The following PEX14 variants were observed in gnomAD, a reference collection of about 807,000 sequenced individuals.
The protein encoded by PEX14 is peroxisomal membrane protein PEX14.
Under a neutral mutation model 49.5 loss-of-function variants are expected in PEX14, and 15 were observed. That is an observed-to-expected ratio of 0.30 (90% CI 0.20 to 0.47). PEX14 has a LOEUF of 0.47. Ranked by LOEUF, PEX14 falls within the 20% of genes least tolerant of loss-of-function variation. The pLI, the probability that PEX14 is intolerant of heterozygous loss-of-function variation, is 1.00. For synonymous variants in PEX14, 210 were observed against 212.7 expected (o/e 0.99, Z 0.11); for missense variants, 398 against 494.8 (o/e 0.80, Z 1.86).
intron 3 of PEX14, among the ~76,000 whole-genome samples, chr1:10,594,824 G>A (rs968862485): frequency 8.3e-5 from 3 of 36,206 alleles, no homozygotes; most frequent in Non-Finnish European, 2.7e-4. Flanking sequence ...CATCACAATC[G>A]CAGCCTGTAC....
intron 2 of PEX14, among the ~76,000 whole-genome samples, chr1:10,520,525 A>G (rs1052986440): frequency 2.0e-5 from 3 of 152,078 alleles, no homozygotes; most frequent in African/African-American, 4.8e-5. Flanking sequence ...GAATATTAAC[A>G]TAAAGATAAA....
intron 2 of PEX14, among the ~76,000 whole-genome samples, chr1:10,525,711 C>T (rs903230576): frequency 4.6e-5 from 7 of 151,808 alleles, no homozygotes; most frequent in Admixed American, 1.3e-4. Flanking sequence ...CTGCAACCTC[C>T]GCCTCCTGGG....
chr1:10,595,267 T>G (rs558337381), intron 3 of PEX14, among the ~76,000 whole-genome samples: 4 of 152,324 alleles, frequency 2.6e-5, no homozygotes, highest in African/African-American at 9.6e-5. Flanking sequence ...TGTGAAAAGA[T>G]GAAGCGGCCT....
At chr1:10,553,416 G>C (rs1639391455) in intron 3 of PEX14, among the ~76,000 whole-genome samples, 1 of 152,210 alleles carries the variant, frequency 6.6e-6, no homozygotes, top group African/African-American at 2.4e-5. Context: ...GTTGGCCAGA[G>C]GCGGATGCCC....
At chr1:10,589,059 A>C (rs1640583449) in intron 3 of PEX14, among the ~76,000 whole-genome samples, 1 of 152,224 alleles carries the variant, frequency 6.6e-6, no homozygotes, top group South Asian at 2.1e-4. Context: ...ATATCTTTAG[A>C]ATTTTATACA....
At chr1:10,584,546 G>A (rs1640424437) in intron 3 of PEX14, among the ~76,000 whole-genome samples, 1 of 152,126 alleles carries the variant, frequency 6.6e-6, no homozygotes, top group African/African-American at 2.4e-5. Context: ...AACAGTTCAG[G>A]GAAAGTAATC....
chr1:10,557,340 C>G (rs1273674542), intron 3 of PEX14, among the ~76,000 whole-genome samples: 1 of 152,160 alleles, frequency 6.6e-6, no homozygotes, highest in East Asian at 1.9e-4. Flanking sequence ...AATCCCAGCA[C>G]TTTGGGAGGC....
chr1:10,524,838 C>T lies in PEX14; in HGVS notation c.85-11375C>T, dbSNP rs528010408. On this transcript the variant is annotated intron_variant, in intron 2 of 8. Coordinates refer to ENST00000356607, the MANE Select transcript of PEX14 (RefSeq NM_004565.3). Reference sequence around the variant, plus strand: ...TCCCCAAGTAGCTGGAGCGCCACTACGCCAAGCTATTTAAAAAAAACAAAT... The same window carrying T: ...TCCCCAAGTAGCTGGAGCGCCACTATGCCAAGCTATTTAAAAAAAACAAAT... Among the ~76,000 whole-genome samples, 21 of 152,242 alleles carry T rather than the reference C, an allele frequency of 1.4e-4. No homozygotes were observed. In the South Asian group the frequency reaches 4.1e-3, roughly 30 times the overall value.
In PEX14 at chr1:10,623,770, A is replaced by G. The variant is rs967697545; in HGVS notation, c.488-570A>G. 7.2e-5 allele frequency among the ~76,000 whole-genome samples: 11 copies of G among 152,218 alleles called. No homozygotes were observed. Among genetic ancestry groups the G allele is most frequent in the African/African-American group, 1.9e-4 (8 of 41,450 alleles). On this transcript the variant is annotated intron_variant, in intron 6 of 8. Transcript: ENST00000356607. This position sits in a 1 kb window ranked among gnomAD's most constrained non-coding sequence, Gnocchi z 4.4. ...GTGAAGCTCACAGAAACCCTCTGAC[A>G]CGTCCATCCTGCTGCCGTTTGCTCC...
intron 4 of PEX14, among the ~76,000 whole-genome samples, chr1:10,617,480 C>T (rs77095164): frequency 0.028 from 4,336 of 152,270 alleles, 149 homozygotes; most frequent in African/African-American, 0.089. Context: ...TTTCCTGCCC[C>T]GCCCCAGCCC....
At chr1:10,517,937 A>G (rs1428336224) in intron 2 of PEX14, among the ~76,000 whole-genome samples, 3 of 152,220 alleles carry the variant, frequency 2.0e-5, no homozygotes, top group South Asian at 4.2e-4. Context: ...GTCCCAGGCA[A>G]ATGGTGGACT....
At chr1:10,511,756 C>A (rs926045891) in intron 2 of PEX14, among the ~76,000 whole-genome samples, 10 of 152,002 alleles carry the variant, frequency 6.6e-5, no homozygotes, top group African/African-American at 2.4e-4. Flanking sequence ...AGATCTCTGA[C>A]CTCTGTGGCC....
intron 2 of PEX14, among the ~76,000 whole-genome samples, chr1:10,507,460 A>G (rs959468366): frequency 6.6e-6 from 1 of 152,198 alleles, no homozygotes; most frequent in Admixed American, 6.5e-5. Flanking sequence ...AAAGGCGCCT[A>G]TTAATTTATC....
chr1:10,625,500 C>T (rs896655727), intron 7 of PEX14, among the ~76,000 whole-genome samples: 7 of 152,228 alleles, frequency 4.6e-5, no homozygotes, highest in Admixed American at 4.6e-4. Flanking sequence ...TCCATGGAGT[C>T]TGGGGTGTCT....
Position 10,529,944 on chromosome 1 carries a change from G to A in PEX14, c.85-6269G>A, listed in dbSNP as rs992213331. Among the ~76,000 whole-genome samples the A allele has an allele frequency of 5.9e-5, 9 of 152,178 alleles. No homozygotes were observed. The highest frequency in any genetic ancestry group is 9.7e-5 in the African/African-American group (4 of 41,444). The stretch of plus-strand genomic sequence containing the variant: ...GACAAAACCCAGGAAATTCCAAGTC[G>A]AAAGAGAGGCTCTTTCCTTTAACTC... On this transcript the variant is annotated intron_variant, in intron 2 of 8. Coordinates refer to ENST00000356607, the MANE Select transcript of PEX14 (RefSeq NM_004565.3). This position sits in a 1 kb window ranked among gnomAD's most constrained non-coding sequence, Gnocchi z 4.2.
chr1:10,516,740 C>T (rs923528269), intron 2 of PEX14, among the ~76,000 whole-genome samples: 4 of 152,158 alleles, frequency 2.6e-5, no homozygotes, highest in Non-Finnish European at 5.9e-5. Flanking sequence ...GGCTGAGCTG[C>T]CCCAGAACAG....
At chr1:10,567,625 G>T (rs1639844089) in intron 3 of PEX14, among the ~76,000 whole-genome samples, 1 of 152,030 alleles carries the variant, frequency 6.6e-6, no homozygotes, top group Non-Finnish European at 1.5e-5. Flanking sequence ...CTCCCAAGTG[G>T]CTGGGATTAC....
chr1:10,503,181 C>T (rs547469124), intron 2 of PEX14, among the ~76,000 whole-genome samples: 15 of 146,828 alleles, frequency 1.0e-4, no homozygotes, highest in South Asian at 6.6e-4. Flanking sequence ...CTCCTAGAGG[C>T]TTAGGCATGA....
intron 2 of PEX14, among the ~76,000 whole-genome samples, chr1:10,506,528 C>G (rs139520179): frequency 7.4e-4 from 113 of 152,358 alleles, no homozygotes; most frequent in African/African-American, 2.7e-3. Context: ...CCGCCCGCCT[C>G]GGCCTCCCAA....
Sources: gnomAD v4.1 joint callset for allele counts (sites outside exome capture counted in the v4.1 genomes callset) on GRCh38, gnomAD v4.1.1 for gene constraint, Gnocchi (gnomAD v3.1) non-coding constraint, MANE v1.5 for transcripts, NCBI Gene and HGNC (gene_info 2026-07-23, HGNC 2026-07-21) for gene names.